The following CYP2D6 variants were observed in gnomAD, a reference collection of about 807,000 sequenced individuals.
CYP2D6 encodes cytochrome P450 2D6.
CYP2D6 carries 51 observed loss-of-function variants against 43.5 expected under a neutral mutation model. The observed-to-expected ratio is 1.17, with a 90% CI of 0.94 to 1.48. The LOEUF is 1.48. Among genes scored for constraint, CYP2D6 ranks in the 40% most tolerant of loss-of-function variants. The probability of loss-of-function intolerance (pLI) is 0.00; values close to 1 mark genes in which losing one functional copy is unlikely to be tolerated. For synonymous variants in CYP2D6, 346 were observed against 297.1 expected, an observed-to-expected ratio of 1.16 and a Z score of -1.69; for missense variants, 698 against 688.0, an observed-to-expected ratio of 1.01 and a Z score of -0.16.
rs202102799 is a variant in CYP2D6, at chr22:42,127,556, T to C, written c.1064A>G (p.Tyr355Cys). 2,126 of 1,611,286 alleles carry C rather than the reference T, an allele frequency of 1.3e-3. 38 individuals carry two copies. The highest frequency in any genetic ancestry group is 2.3e-3 in the Admixed American group (137 of 59,914). ...CACCTCATGAATCACGGCAGTGGTG[T>C]AGGGCATGTGAGCCTGGTCACCCAT... ...PEMGDQAHMP[Y>C]TTAVIHEVQR... The change falls in exon 7 of 9, where the codon TAC becomes TGC. Residue 355 changes from tyrosine (Y) to cysteine (C), a missense_variant. Around this residue, in one of 5 missense-constraint regions of CYP2D6, gnomAD observed 588 missense variants for 521.1 expected, o/e 1.13. Transcript: ENST00000645361.
Position 42,129,128 on chromosome 22 carries a change from G to T in CYP2D6, c.410C>A (p.Ser137Tyr). The change falls in exon 3 of 9, where the codon TCC becomes TAC. Residue 137 changes from serine (S) to tyrosine (Y), a missense_variant. By Grantham distance (144) the Ser-to-Tyr change is moderately radical (BLOSUM62 -2). Coordinates refer to ENST00000645361, the MANE Select transcript of CYP2D6 (RefSeq NM_000106.6). ...AWREQRRFSV[S>Y]TLRNLGLGKK... ...GCCCAGGCCCAAGTTGCGCAAGGTGGACACGGAGAAGCGCCTCTGCTCGCG... is the reference window on the plus strand; with the variant it reads ...GCCCAGGCCCAAGTTGCGCAAGGTGTACACGGAGAAGCGCCTCTGCTCGCG... 1 of 1,610,524 alleles carries T rather than the reference G, an allele frequency of 6.2e-7. No homozygotes were observed. Among genetic ancestry groups the T allele is most frequent in the South Asian group, 1.1e-5 (1 of 90,900 alleles).
Position 42,126,587 on chromosome 22 carries a change from G to C in CYP2D6, c.1481C>G (p.Ala494Gly), listed in dbSNP as rs755325763. ...LVSPSPYELC[A>G]VPR ...AGGTACCCCATTCTAGCGGGGCACA[G>C]CACAAAGCTCATAGGGGGATGGGCT... Residue 494 changes from alanine to glycine, a missense_variant, in exon 9 of 9, where the codon GCT (alanine) becomes GGT (glycine). Ala to Gly is a moderately conservative substitution (Grantham distance 60). Around this residue, in one of 5 missense-constraint regions of CYP2D6, gnomAD observed 85 missense variants for 81.2 expected, o/e 1.05. Coordinates refer to ENST00000645361, the MANE Select transcript of CYP2D6 (RefSeq NM_000106.6). The C allele has an allele frequency of 1.3e-5, 21 of 1,595,538 alleles. No individual in the cohort carries two copies. Among genetic ancestry groups the C allele is most frequent in the Admixed American group, 1.0e-4 (6 of 57,318 alleles).
intron 2 of CYP2D6, 136 bp from the exon 3 acceptor site, chr22:42,129,321 G>C (rs1194157814): frequency 2.5e-6 from 3 of 1,179,250 alleles, no homozygotes; most frequent in Non-Finnish European, 3.7e-6. Flanking sequence ...CCCACTCTTT[G>C]TGCATCCACC....
chr22:42,129,950 A>T (rs28371702), intron 1 of CYP2D6, 41 bp from the exon 2 acceptor site: 4 of 1,488,280 alleles, frequency 2.7e-6, no homozygotes, highest in Non-Finnish European at 3.6e-6. Context: ...AGCCAGGATC[A>T]CCCCAGACTA....
rs755309061 is a variant in CYP2D6 at position 42,129,234 on chromosome 22, A to C, written c.353-49T>G. The C allele has an allele frequency of 7.8e-5, 123 of 1,582,224 alleles. 4 individuals carry two copies. In the Middle Eastern group the frequency reaches 1.2e-3, roughly 15 times the overall value. ...GCGTGGCCATGAAGGCATTAGCCCC[A>C]CCATCCACCACCCACTCCAACCCTA... On this transcript the variant is annotated intron_variant, in intron 2 of 8. Coordinates refer to ENST00000645361, the MANE Select transcript of CYP2D6 (RefSeq NM_000106.6).
Position 42,128,192 on chromosome 22 carries a change from G to A in CYP2D6, c.825C>T (p.Phe275=). 2 of 1,608,094 alleles carry A rather than the reference G, an allele frequency of 1.2e-6. No individual in the cohort carries two copies. ...CTCTCACCTTCTCCATCTCTGCCAG[G>A]AAGGCCTCAGTCAGGTCTCGGGGGG... ...AQPPRDLTEA[F]LAEMEKAKGN... Residue 275 remains phenylalanine, a synonymous_variant, in exon 5 of 9, where the codon TTC becomes TTT. Transcript: ENST00000645361.
At chr22:42,130,353 C>T (rs1931887579) in intron 1 of CYP2D6, 1 of 584,812 alleles carries the variant, frequency 1.7e-6, no homozygotes, top group African/African-American at 2.1e-5. Flanking sequence ...TACTCCATAA[C>T]ATATGTTGCC....
rs267608298 is a variant in CYP2D6, at chr22:42,128,311, G to T, written c.706C>A (p.Leu236Met). 41 of 1,610,474 alleles carry T rather than the reference G, an allele frequency of 2.5e-5. 2 individuals carry two copies. In the South Asian group the frequency reaches 4.2e-4, roughly 16 times the overall value. ...AVPVLLHIPA[L>M]AGKVLRFQKA... ...TGGAAGCGTAGGACCTTGCCAGCCAGCGCTGGGATATGCAGGAGGACGGGG... is the reference window on the plus strand; with the variant it reads ...TGGAAGCGTAGGACCTTGCCAGCCATCGCTGGGATATGCAGGAGGACGGGG... Residue 236 changes from leucine to methionine, a missense_variant, in exon 5 of 9, where the codon CTG (leucine) becomes ATG (methionine). Leu to Met is a conservative substitution (Grantham distance 15). Transcript: ENST00000645361.
Position 42,128,218 on chromosome 22 carries a change from G to T in CYP2D6, c.799C>A (p.Pro267Thr). Residue 267 changes from proline to threonine, a missense_variant, in exon 5 of 9, where the codon CCC becomes ACC. Coordinates refer to ENST00000645361, the MANE Select transcript of CYP2D6 (RefSeq NM_000106.6). ...EHRMTWDPAQ[P>T]PRDLTEAFLA... ...AAGGCCTCAGTCAGGTCTCGGGGGG[G>T]CTGGGCTGGGTCCCAGGTCATCCTG... 6.2e-7 allele frequency: 1 copy of T among 1,609,778 alleles called. No individual in the cohort carries two copies. Among genetic ancestry groups the T allele is most frequent in the Non-Finnish European group, 8.5e-7 (1 of 1,177,692 alleles).
intron 1 of CYP2D6, 161 bp downstream of exon 1, chr22:42,130,451 T>C (rs1602587916): frequency 1.2e-6 from 1 of 857,244 alleles, no homozygotes; most frequent in East Asian, 2.6e-5. Flanking sequence ...ATCCAGTCCT[T>C]CATGCCATGT....
At position 42,128,859 on chromosome 22, in the gene CYP2D6, G is replaced by C. The variant is rs375487723; in HGVS notation, c.591C>G (p.Tyr197Ter). ...GCAGCCTGAGGAAGCGAGGGTCGTC[G>C]TACTCGAAGCGGCGCCCGCAGGTGA... ...ASLTCGRRFEYDDPRFLRLLD... is the reference protein window; with the variant it reads ...ASLTCGRRFE The change falls in exon 4 of 9, where the codon TAC (tyrosine) becomes TAG (stop). Residue 197 changes from tyrosine to a stop codon, truncating the protein, a stop_gained. Coordinates refer to ENST00000645361, the MANE Select transcript of CYP2D6 (RefSeq NM_000106.6). LOFTEE classifies it high-confidence loss of function. The C allele has an allele frequency of 1.2e-6, 2 of 1,604,504 alleles. No individual in the cohort carries two copies. The highest frequency in any genetic ancestry group is 1.7e-5 in the Admixed American group (1 of 59,038).
Position 42,130,034 on chromosome 22 carries a change from C to T in CYP2D6, c.181-125G>A, listed in dbSNP as rs1602586374. ...AGTGAGCAGGTGGAAGGAGGAGACC[C>T]AGCCTCCTGATCGTGGGGCGGGGGT... On this transcript the variant is annotated intron_variant, in intron 1 of 8. Coordinates refer to ENST00000645361, the MANE Select transcript of CYP2D6 (RefSeq NM_000106.6). 1.9e-6 allele frequency: 2 copies of T among 1,028,414 alleles called. No homozygotes were observed. Among genetic ancestry groups the T allele is most frequent in the Non-Finnish European group, 1.4e-6 (1 of 719,014 alleles). 63.7% of individuals were successfully genotyped at this position (1,028,414 alleles called of 1,614,324 possible).
chr22:42,127,994 C>T lies in CYP2D6; in HGVS notation c.844-11G>A. 6.2e-7 allele frequency: 1 copy of T among 1,611,352 alleles called. No individual in the cohort carries two copies. The highest frequency in any genetic ancestry group is 1.1e-5 in the South Asian group (1 of 90,922). Reference sequence around the variant, plus strand: ...AGGGTTCCCCTTGGCCTGAGCAGGGCCGAGAGCATACTCGGGACAGAACGG... The same window carrying T: ...AGGGTTCCCCTTGGCCTGAGCAGGGTCGAGAGCATACTCGGGACAGAACGG... On this transcript the variant is annotated splice_polypyrimidine_tract_variant and intron_variant, in intron 5 of 8. Coordinates refer to ENST00000645361, the MANE Select transcript of CYP2D6 (RefSeq NM_000106.6).
intron 7 of CYP2D6, among the ~76,000 whole-genome samples, 180 bp from the exon 8 acceptor site, chr22:42,127,172 T>G (rs1931055729): frequency 6.6e-6 from 1 of 150,974 alleles, no homozygotes; most frequent in African/African-American, 2.5e-5. Context: ...GTCACACCTC[T>G]CAGAGGCACC....
In CYP2D6 at chr22:42,129,202, C is replaced by T. The variant is rs377440666; in HGVS notation, c.353-17G>A. ...GGAACACCCCTGGGGGTGGGACGGGCACGTGCGCGTGGCCATGAAGGCATT... is the reference window on the plus strand; with the variant it reads ...GGAACACCCCTGGGGGTGGGACGGGTACGTGCGCGTGGCCATGAAGGCATT... On this transcript the variant is annotated splice_polypyrimidine_tract_variant and intron_variant, in intron 2 of 8. Transcript: ENST00000645361. 1.1e-5 allele frequency: 18 copies of T among 1,599,728 alleles called. No homozygotes were observed. The highest frequency in any genetic ancestry group is 9.4e-5 in the African/African-American group (7 of 74,450).
At chr22:42,128,751 C>G (rs1162643755) in intron 4 of CYP2D6, 33 bp downstream of exon 4, 9 of 1,592,326 alleles carry the variant, frequency 5.7e-6, no homozygotes, top group Non-Finnish European at 7.7e-6. Context: ...GGGAGCTCGC[C>G]CTGCAGAGAC....
At chr22:42,128,152 C>G in intron 5 of CYP2D6, 22 bp downstream of exon 5, 1 of 1,594,966 alleles carries the variant, frequency 6.3e-7, no homozygotes, top group Non-Finnish European at 8.5e-7. Context: ...CCCTTGCCCC[C>G]CACCGTGGCA....
In CYP2D6 at chr22:42,129,243, C is replaced by A. The variant is rs1044809362; in HGVS notation, c.353-58G>T. ...TGAAGGCATTAGCCCCACCATCCAC[C>A]ACCCACTCCAACCCTATGCTCCCCC... On this transcript the variant is annotated intron_variant, in intron 2 of 8. Coordinates refer to ENST00000645361, the MANE Select transcript of CYP2D6 (RefSeq NM_000106.6). The A allele has an allele frequency of 1.1e-5, 17 of 1,572,840 alleles. 1 individual carries two copies. The highest frequency in any genetic ancestry group is 2.6e-6 in the Non-Finnish European group (3 of 1,159,194).
rs544811063 is a variant in CYP2D6 at position 42,127,487 on chromosome 22, G to A, written c.1133C>T (p.Thr378Ile). The A allele has an allele frequency of 6.2e-7, 1 of 1,611,478 alleles. No homozygotes were observed. Among genetic ancestry groups the A allele is most frequent in the South Asian group, 1.1e-5 (1 of 90,938 alleles). The part of the protein sequence containing the change: ...DIVPLGVTHM[T>I]SRDIEVQGFR... ...GCCCTGTACTTCGATGTCACGGGATGTCATATGGGTCACACCCAGGGGGAC... is the reference window on the plus strand; with the variant it reads ...GCCCTGTACTTCGATGTCACGGGATATCATATGGGTCACACCCAGGGGGAC... Residue 378 changes from threonine to isoleucine, a missense_variant, in exon 7 of 9, where the codon ACA becomes ATA. Thr to Ile is a moderately conservative substitution (Grantham distance 89). Around this residue, in one of 5 missense-constraint regions of CYP2D6, gnomAD observed 16 missense variants for 30.5 expected, o/e 0.52. Coordinates refer to ENST00000645361, the MANE Select transcript of CYP2D6 (RefSeq NM_000106.6).
Sources: allele counts gnomAD v4.1 joint callset (sites outside exome capture counted in the v4.1 genomes callset), GRCh38; gene constraint gnomAD v4.1.1; regional missense constraint gnomAD v4.1.1; transcripts MANE v1.5; gene names NCBI Gene and HGNC (gene_info 2026-07-23, HGNC 2026-07-21).